The following AKR1B15 variants were observed in gnomAD, a reference collection of about 807,000 sequenced individuals.
The protein encoded by AKR1B15 is estradiol 17-beta-dehydrogenase AKR1B15.
AKR1B15 carries 49 observed loss-of-function variants against 38.5 expected under a neutral mutation model. The ratio of observed to expected loss-of-function variants is 1.27; its 90% CI spans 1.01 to 1.62. The LOEUF (loss-of-function observed/expected upper bound fraction) is 1.62, where lower values mean the gene tolerates loss of function less well. Among genes scored for constraint, AKR1B15 ranks in the 40% most tolerant of loss-of-function variants. The pLI, the probability that AKR1B15 is intolerant of heterozygous loss-of-function variation, is 0.00. For missense variants in AKR1B15, 411 were observed against 381.6 expected, an observed-to-expected ratio of 1.08 and a Z score of -0.64; for synonymous variants, 137 against 135.5, an observed-to-expected ratio of 1.01 and a Z score of -0.08.
At chr7:134,551,583 A>C (rs1793979379) in intron 1 of AKR1B15, among the ~76,000 whole-genome samples, 2 of 152,288 alleles carry the variant, frequency 1.3e-5, no homozygotes, top group Admixed American at 6.5e-5. Flanking sequence ...AGTTTTCGAC[A>C]ATCGAGAATT....
Position 134,569,503 on chromosome 7 carries a change from C to T in AKR1B15, c.409C>T (p.Leu137Phe), listed in dbSNP as rs1342804091. 3 of 1,613,962 alleles carry T rather than the reference C, an allele frequency of 1.9e-6. No homozygotes were observed. The highest frequency in any genetic ancestry group is 4.5e-5 in the East Asian group (2 of 44,884). ...GAAGCTGAGCTATCTGGACGTCTAT[C>T]TTATTCACTGGCCACAGGGATTCAA... The part of the protein sequence containing the change: ...DLKLSYLDVY[L>F]IHWPQGFKTG... The change falls in exon 5 of 12, where the codon CTT becomes TTT. Residue 137 changes from leucine (L) to phenylalanine (F), a missense_variant. This residue lies in a region of AKR1B15 where 254 missense variants were observed against 212.4 expected (regional missense o/e 1.20). Transcript: ENST00000457545.
chr7:134,566,171 G>T (rs1450686008), intron 3 of AKR1B15, among the ~76,000 whole-genome samples: 1 of 152,190 alleles, frequency 6.6e-6, no homozygotes, highest in Non-Finnish European at 1.5e-5. Flanking sequence ...GCATGCAGCT[G>T]TAGTCCCAGC....
intron 1 of AKR1B15, among the ~76,000 whole-genome samples, chr7:134,551,853 C>A (rs1291023249): frequency 6.6e-6 from 1 of 152,106 alleles, no homozygotes; most frequent in African/African-American, 2.4e-5. Context: ...AGAGGAGAAA[C>A]CAGAAAAGAA....
In AKR1B15 at chr7:134,564,730, C is replaced by T. The variant is rs771997692; in HGVS notation, c.111C>T (p.Asp37=). The change falls in exon 3 of 12, where the codon GAC becomes GAT. Residue 37 remains aspartate (D), a synonymous_variant. Coordinates refer to ENST00000457545, the MANE Select transcript of AKR1B15 (RefSeq NM_001080538.3). ...GCCTAAAGAGTTCCCTTCTGAAGGA[C>T]ACTACAAGTGCAGGGCCCCTTCTTC... ...LTGLKSSLLK[D]TTSAGPLLRP... 2 of 696,160 alleles carry T rather than the reference C, an allele frequency of 2.9e-6. No homozygotes were observed. Among genetic ancestry groups the T allele is most frequent in the South Asian group, 3.0e-5 (2 of 65,896 alleles). The allele number at this position is 696,160 out of a possible 1,614,324, so 43.1% of individuals were successfully genotyped here.
In AKR1B15 at chr7:134,564,105, G is replaced by A. The variant is rs546338832; in HGVS notation, c.-22-493G>A. On this transcript the variant is annotated intron_variant, in intron 2 of 11. Coordinates refer to ENST00000457545, the MANE Select transcript of AKR1B15 (RefSeq NM_001080538.3). The stretch of plus-strand genomic sequence containing the variant: ...TCAGTGCCCCTCAAAACTCAAGTCC[G>A]TCAGCACAGAGCCATACAGCTAATA... 8.3e-4 allele frequency among the ~76,000 whole-genome samples: 127 copies of A among 152,242 alleles called. 1 individual carries two copies. Among genetic ancestry groups the A allele is most frequent in the South Asian group, 7.5e-3 (36 of 4,828 alleles).
At position 134,555,467 on chromosome 7, in the gene AKR1B15, C is replaced by G. The variant is rs185187953; in HGVS notation, c.-146-1269C>G. Among the ~76,000 whole-genome samples the G allele has an allele frequency of 2.5e-3, 382 of 152,166 alleles. 2 individuals are homozygous for G. The highest frequency in any genetic ancestry group is 8.7e-3 in the African/African-American group (360 of 41,516). Reference sequence around the variant, plus strand: ...ATGGGTCCCCAAGCCTAGGCCAGGCCCCTTAAAACTGCGCCTAAGTTGAGT... The same window carrying G: ...ATGGGTCCCCAAGCCTAGGCCAGGCGCCTTAAAACTGCGCCTAAGTTGAGT... On this transcript the variant is annotated intron_variant, in intron 1 of 11. Coordinates refer to ENST00000457545, the MANE Select transcript of AKR1B15 (RefSeq NM_001080538.3).
At chr7:134,562,172 G>C (rs1794414035) in intron 2 of AKR1B15, among the ~76,000 whole-genome samples, 1 of 152,116 alleles carries the variant, frequency 6.6e-6, no homozygotes, top group African/African-American at 2.4e-5. Flanking sequence ...GTGGTTTTGT[G>C]GTCTGGCTGA....
chr7:134,565,049 G>C (rs1794501712), intron 3 of AKR1B15: 1 of 312,852 alleles, frequency 3.2e-6, no homozygotes, highest in Non-Finnish European at 5.9e-6. Flanking sequence ...CTGTAAAATG[G>C]AACAATCTGC....
chr7:134,579,333 C>T (rs1036329934), intron 11 of AKR1B15, among the ~76,000 whole-genome samples, 174 bp from the exon 12 acceptor site: 9 of 152,138 alleles, frequency 5.9e-5, no homozygotes, highest in Non-Finnish European at 1.0e-4. Context: ...CCTAGCAAAA[C>T]CCTCATATCG....
At chr7:134,574,173 A>G (rs2117667288) in intron 6 of AKR1B15, among the ~76,000 whole-genome samples, 1 of 152,260 alleles carries the variant, frequency 6.6e-6, no homozygotes, top group South Asian at 2.1e-4. Context: ...GAGATTAGTC[A>G]TGAGCCACTG....
At chr7:134,568,463 C>G (rs751589222) in intron 4 of AKR1B15, 138 bp downstream of exon 4, 97 of 1,278,726 alleles carry the variant, frequency 7.6e-5, no homozygotes, top group Non-Finnish European at 9.7e-5. Flanking sequence ...TCCGTGGATA[C>G]AATACTATCC....
Position 134,576,961 on chromosome 7 carries a change from A to G in AKR1B15, c.826-2A>G. ...GAAACATGATGTCCCCTTTCTGCAC[A>G]GGTTCTGATCCGTTTCCATATCCAG... On this transcript the variant is annotated splice_acceptor_variant, in intron 9 of 11. Coordinates refer to ENST00000457545, the MANE Select transcript of AKR1B15 (RefSeq NM_001080538.3). LOFTEE classifies it high-confidence loss of function. The G allele has an allele frequency of 1.2e-6, 2 of 1,613,178 alleles. No homozygotes were observed. The highest frequency in any genetic ancestry group is 3.3e-5 in the Admixed American group (2 of 60,024).
intron 2 of AKR1B15, among the ~76,000 whole-genome samples, chr7:134,562,709 A>G (rs1381366665): frequency 6.6e-6 from 1 of 152,062 alleles, no homozygotes; most frequent in African/African-American, 2.4e-5. Context: ...TACACCTCTC[A>G]CCACCACACC....
At chr7:134,565,851 A>T (rs1272060039) in intron 3 of AKR1B15, among the ~76,000 whole-genome samples, 5 of 152,144 alleles carry the variant, frequency 3.3e-5, no homozygotes, top group African/African-American at 1.2e-4. Flanking sequence ...TTAATTGGGC[A>T]CAAGGTTTCC....
At chr7:134,571,202 C>T (rs1585810313) in intron 5 of AKR1B15, among the ~76,000 whole-genome samples, 1 of 152,316 alleles carries the variant, frequency 6.6e-6, no homozygotes, top group East Asian at 1.9e-4. Context: ...CACGCCTCTT[C>T]TAGAGGCTGC....
At chr7:134,574,065 T>A (rs114426116) in intron 6 of AKR1B15, among the ~76,000 whole-genome samples, 78,405 of 150,968 alleles carry the variant, frequency 0.52, 20,362 homozygotes, top group African/African-American at 0.57. Flanking sequence ...TAAAACAAAT[T>A]TTTTTTTTTG....
At chr7:134,559,197 G>C (rs985705364) in intron 2 of AKR1B15, among the ~76,000 whole-genome samples, 1 of 152,106 alleles carries the variant, frequency 6.6e-6, no homozygotes, top group Non-Finnish European at 1.5e-5. Flanking sequence ...TTTGATGCCT[G>C]TTCAGTCATC....
At chr7:134,560,465 C>G (rs763251174) in intron 2 of AKR1B15, among the ~76,000 whole-genome samples, 2 of 152,152 alleles carry the variant, frequency 1.3e-5, no homozygotes, top group Non-Finnish European at 2.9e-5. Flanking sequence ...CACAAAATCA[C>G]GAGCAAATAA....
At chr7:134,557,876 A>G (rs754393048) in intron 2 of AKR1B15, among the ~76,000 whole-genome samples, 5 of 152,278 alleles carry the variant, frequency 3.3e-5, no homozygotes, top group African/African-American at 4.8e-5. Context: ...CATTCTCTCT[A>G]TAACTCAGTC....
Sources: allele counts gnomAD v4.1 joint callset (sites outside exome capture counted in the v4.1 genomes callset), GRCh38; gene constraint gnomAD v4.1.1; regional missense constraint gnomAD v4.1.1; transcripts MANE v1.5; gene names NCBI Gene and HGNC (gene_info 2026-07-23, HGNC 2026-07-21).